Variants in CORO2B observed in about 807,000 individuals in gnomAD.
The protein encoded by CORO2B is coronin 2B, also known as coronin-2B.
Under a neutral mutation model 58.8 loss-of-function variants are expected in CORO2B, and 26 were observed. That is an observed-to-expected ratio of 0.44 (90% CI 0.32 to 0.61). CORO2B has a LOEUF of 0.61. CORO2B is among the 20% of genes least tolerant of loss of function. CORO2B has a pLI of 0.04. For synonymous variants in CORO2B, 242 were observed against 253.8 expected, an observed-to-expected ratio of 0.95 and a Z score of 0.44; for missense variants, 460 against 645.1, an observed-to-expected ratio of 0.71 and a Z score of 3.11.
At chr15:68,539,587 A>T in the CORO2B span, among the ~76,000 whole-genome samples, 1 of 146,288 alleles carries the variant, frequency 6.8e-6, no homozygotes, top group Non-Finnish European at 1.6e-5. Context: ...AGGTGGGAAG[A>T]TCGCTTGAGC....
At chr15:68,683,598 A>G (rs1223263883) in intron 2 of CORO2B, among the ~76,000 whole-genome samples, 2 of 152,066 alleles carry the variant, frequency 1.3e-5, no homozygotes, top group East Asian at 3.9e-4. Flanking sequence ...TTGAGACATC[A>G]TGGTGGGACT....
At chr15:68,551,017 C>T in the CORO2B span, among the ~76,000 whole-genome samples, 1 of 152,006 alleles carries the variant, frequency 6.6e-6, no homozygotes, top group African/African-American at 2.4e-5. Context: ...GGATGACCAG[C>T]TTTTCGCAGC....
At chr15:68,686,162 G>A (rs933443385) in intron 2 of CORO2B, among the ~76,000 whole-genome samples, 16 of 150,148 alleles carry the variant, frequency 1.1e-4, no homozygotes, top group African/African-American at 2.2e-4. Context: ...TCAGCCTCCC[G>A]AGTAGCTGGG....
At chr15:68,605,347 A>G (rs1438147891) in intron 1 of CORO2B, among the ~76,000 whole-genome samples, 4 of 152,216 alleles carry the variant, frequency 2.6e-5, no homozygotes, top group Admixed American at 6.5e-5. Context: ...ACCTGTCCAA[A>G]GGAAATAATC....
intron 1 of CORO2B, among the ~76,000 whole-genome samples, chr15:68,595,883 C>A (rs953875411): frequency 6.6e-6 from 1 of 152,098 alleles, no homozygotes; most frequent in Non-Finnish European, 1.5e-5. Flanking sequence ...ACGGAGCGGG[C>A]GTCTGGGAGG....
chr15:68,630,934 C>T (rs183088253), intron 1 of CORO2B, among the ~76,000 whole-genome samples: 10 of 152,348 alleles, frequency 6.6e-5, no homozygotes, highest in Admixed American at 1.3e-4. Flanking sequence ...TTATGTCTCT[C>T]TCCTCTTACT....
chr15:68,706,584 G>A (rs929752225), intron 3 of CORO2B, among the ~76,000 whole-genome samples: 4 of 152,236 alleles, frequency 2.6e-5, no homozygotes, highest in Non-Finnish European at 5.9e-5. Flanking sequence ...GATACAGTAT[G>A]AGACATCCCT....
At chr15:68,685,111 G>A (rs1030461826) in intron 2 of CORO2B, among the ~76,000 whole-genome samples, 6 of 151,742 alleles carry the variant, frequency 4.0e-5, no homozygotes, top group African/African-American at 1.2e-4. Flanking sequence ...CACTGCCCTC[G>A]GTACTCCTTT....
At chr15:68,627,920 C>T (rs2140257338) in intron 1 of CORO2B, among the ~76,000 whole-genome samples, 1 of 152,164 alleles carries the variant, frequency 6.6e-6, no homozygotes, top group Non-Finnish European at 1.5e-5. Flanking sequence ...CGATGAGGCT[C>T]TGTGCTGAGG....
chr15:68,715,456 G>C (rs949582497), intron 8 of CORO2B, 145 bp downstream of exon 8: 3 of 623,432 alleles, frequency 4.8e-6, no homozygotes, highest in African/African-American at 1.8e-5. Flanking sequence ...TGCAAGAGCT[G>C]GCCCTGCTGC....
At chr15:68,567,181 G>A in the CORO2B span, among the ~76,000 whole-genome samples, 24 of 152,242 alleles carry the variant, frequency 1.6e-4, no homozygotes, top group African/African-American at 4.1e-4. Context: ...ACCCCCCTTC[G>A]GCTCTCAGTG....
chr15:68,593,321 T>TA (rs1317069189), intron 1 of CORO2B, among the ~76,000 whole-genome samples: 1 of 152,240 alleles, frequency 6.6e-6, no homozygotes, highest in Non-Finnish European at 1.5e-5. Context: ...TTGAAATTCT[T>TA]AAAAACTTTT....
upstream of CORO2B, among the ~76,000 whole-genome samples, chr15:68,576,152 CAAAAAAAAA>C (rs3985627): frequency 4.8e-5 from 3 of 62,190 alleles, no homozygotes; most frequent in Non-Finnish European, 8.1e-5. Flanking sequence ...GACTACGTCG[CAAAAAAAAA>C]AAAAAAAAAA....
intron 1 of CORO2B, among the ~76,000 whole-genome samples, chr15:68,619,961 G>A (rs1477177520): frequency 6.6e-6 from 1 of 151,940 alleles, no homozygotes; most frequent in Non-Finnish European, 1.5e-5. Context: ...TCCCAGGCTG[G>A]AGTACAGTGG....
chr15:68,626,630 G>A (rs1900689608), intron 1 of CORO2B, among the ~76,000 whole-genome samples: 1 of 152,188 alleles, frequency 6.6e-6, no homozygotes, highest in South Asian at 2.1e-4. Flanking sequence ...GTCTTCCCGG[G>A]AATCACTGCT....
chr15:68,553,386 G>T, the CORO2B span, among the ~76,000 whole-genome samples: 18 of 152,306 alleles, frequency 1.2e-4, no homozygotes, highest in African/African-American at 4.3e-4. Context: ...GAGGCAGGAG[G>T]GTTGGAGAGC....
chr15:68,653,116 T>C (rs1901692828), intron 2 of CORO2B, among the ~76,000 whole-genome samples: 1 of 152,126 alleles, frequency 6.6e-6, no homozygotes, highest in Admixed American at 6.6e-5. Context: ...ACAATTCTAG[T>C]TGGCAAGGAG....
At chr15:68,647,799 G>A (rs1183781053) in intron 2 of CORO2B, among the ~76,000 whole-genome samples, 1 of 151,458 alleles carries the variant, frequency 6.6e-6, no homozygotes, top group Non-Finnish European at 1.5e-5. Context: ...CTTAACCCCA[G>A]GAGTTTGAGA....
chr15:68,572,162 C>A, the CORO2B span, among the ~76,000 whole-genome samples: 1 of 152,248 alleles, frequency 6.6e-6, no homozygotes, highest in East Asian at 1.9e-4. Flanking sequence ...AGGAGCAGCT[C>A]TTCCAGGAGG....
Sources: allele counts gnomAD v4.1 joint callset (sites outside exome capture counted in the v4.1 genomes callset), GRCh38; gene constraint gnomAD v4.1.1; transcripts MANE v1.5; gene names NCBI Gene and HGNC (gene_info 2026-07-23, HGNC 2026-07-21).